PCNX2: variants seen among roughly 807,000 people sequenced by gnomAD.
The protein encoded by PCNX2 is pecanex 2, also known as pecanex-like protein 2.
In PCNX2, 168 loss-of-function variants were observed where a neutral mutation model predicts 223.8. The ratio of observed to expected loss-of-function variants is 0.75; its 90% CI spans 0.66 to 0.85. PCNX2 has a LOEUF of 0.85. PCNX2 is among the 40% of genes least tolerant of loss of function. PCNX2 has a pLI of 0.00. For missense variants in PCNX2, 2,507 were observed against 2,675.5 expected (o/e 0.94, Z 1.39); for synonymous variants, 1,006 against 1,052.6 (o/e 0.96, Z 0.86).
rs562606046 is a variant in PCNX2 at position 233,138,698 on chromosome 1, A to G, written c.3659+1016T>C. Among the ~76,000 whole-genome samples, 433 of 152,336 alleles carry G rather than the reference A, an allele frequency of 2.8e-3. 1 individual carries two copies. The highest frequency in any genetic ancestry group is 5.9e-3 in the Admixed American group (90 of 15,300). ...AACTAATTCTCATCTCTGGATTTGA[A>G]GTCTAGAATTTTAAGTATCAAAGAA... On this transcript the variant is annotated intron_variant, in intron 20 of 33. Coordinates refer to ENST00000258229, the MANE Select transcript of PCNX2 (RefSeq NM_014801.4).
At chr1:233,150,557 A>G (rs2102799851) in intron 19 of PCNX2, among the ~76,000 whole-genome samples, 1 of 152,328 alleles carries the variant, frequency 6.6e-6, no homozygotes, top group Middle Eastern at 3.4e-3. Flanking sequence ...TCATGCTTAG[A>G]AAATTCTTTT....
chr1:233,092,118 G>GA (rs1340685103), intron 22 of PCNX2, among the ~76,000 whole-genome samples: 1 of 152,214 alleles, frequency 6.6e-6, no homozygotes, highest in Non-Finnish European at 1.5e-5. Context: ...TGAAGGTATT[G>GA]AAAAAAATAT....
intron 24 of PCNX2, among the ~76,000 whole-genome samples, chr1:233,056,541 A>C (rs1010768561): frequency 2.6e-5 from 4 of 152,234 alleles, no homozygotes; most frequent in African/African-American, 4.8e-5. Flanking sequence ...AAAGTTCAAC[A>C]AAAAATAAGC....
chr1:233,144,439 G>C (rs1677307984), intron 19 of PCNX2, among the ~76,000 whole-genome samples: 2 of 152,134 alleles, frequency 1.3e-5, no homozygotes, highest in African/African-American at 2.4e-5. Flanking sequence ...CATATAGCAA[G>C]CTTCAGCAGA....
intron 28 of PCNX2, among the ~76,000 whole-genome samples, chr1:233,013,802 G>T (rs1163676017): frequency 6.6e-6 from 1 of 152,052 alleles, no homozygotes; most frequent in Non-Finnish European, 1.5e-5. Context: ...TGGGATGTGT[G>T]GTCCCACCCA....
At chr1:233,320,551 G>C in the PCNX2 span, among the ~76,000 whole-genome samples, 1 of 151,998 alleles carries the variant, frequency 6.6e-6, no homozygotes, top group Non-Finnish European at 1.5e-5. Context: ...CTTTTCTAAG[G>C]CAGATGTATC....
At chr1:233,301,829 C>T in the PCNX2 span, among the ~76,000 whole-genome samples, 1 of 140,584 alleles carries the variant, frequency 7.1e-6, no homozygotes, top group African/African-American at 2.6e-5. Context: ...TCTTGCTCTG[C>T]CGCCCAAGCC....
chr1:233,050,763 T>C (rs1451505909), intron 25 of PCNX2, among the ~76,000 whole-genome samples: 2 of 152,024 alleles, frequency 1.3e-5, no homozygotes, highest in Non-Finnish European at 2.9e-5. Flanking sequence ...ACATGGGCCT[T>C]AGGAAAGAAT....
Position 232,999,361 on chromosome 1 carries a change from G to T in PCNX2, c.5347C>A (p.Arg1783=). ...TGCTGCTGCCCGGCCCAAAGTCCTC[G>T]GACGCATTCTTTGTTAACCTGCAGG... ...KVIKVNKECV[R]GLWAGQQQEL... Residue 1783 remains arginine, a synonymous_variant, in exon 31 of 34, where the codon CGA becomes AGA. Coordinates refer to ENST00000258229, the MANE Select transcript of PCNX2 (RefSeq NM_014801.4). The T allele has an allele frequency of 3.8e-6, 6 of 1,595,906 alleles. No individual in the cohort carries two copies. The South Asian group carries it at 6.8e-5, about 18-fold the overall frequency.
At chr1:233,282,639 T>A (rs1035496361) in intron 1 of PCNX2, among the ~76,000 whole-genome samples, 2 of 152,278 alleles carry the variant, frequency 1.3e-5, no homozygotes, top group African/African-American at 2.4e-5. Flanking sequence ...TCAAAATCTA[T>A]CCATGATTCT....
intron 8 of PCNX2, among the ~76,000 whole-genome samples, chr1:233,246,039 T>G (rs188583958): frequency 6.6e-6 from 1 of 152,312 alleles, no homozygotes; most frequent in East Asian, 1.9e-4. Flanking sequence ...TCCTATCACC[T>G]GGGACTTATG....
intron 17 of PCNX2, among the ~76,000 whole-genome samples, chr1:233,164,429 C>T (rs781004233): frequency 1.6e-4 from 25 of 152,000 alleles, no homozygotes; most frequent in Non-Finnish European, 2.5e-4. Flanking sequence ...CCAGCAATTC[C>T]ACTACTGTGT....
At chr1:233,031,868 G>A in intron 25 of PCNX2, 1 of 981,880 alleles carries the variant, frequency 1.0e-6, no homozygotes. Flanking sequence ...TGGTGAAGAT[G>A]TATAGAAATG....
chr1:233,205,192 T>C lies in PCNX2; in HGVS notation c.2863+3326A>G, dbSNP rs1383098384. On this transcript the variant is annotated intron_variant, in intron 13 of 33. Coordinates refer to ENST00000258229, the MANE Select transcript of PCNX2 (RefSeq NM_014801.4). ...AAACCAGGAATGAGGGAGATACCCA[T>C]GTACAGAAAAGCAATTTGTAAATGG... Among the ~76,000 whole-genome samples the C allele has an allele frequency of 2.6e-5, 4 of 152,146 alleles. 1 individual carries two copies. The highest frequency in any genetic ancestry group is 1.3e-4 in the Admixed American group (2 of 15,262).
chr1:233,288,507 C>T (rs1010219729), intron 1 of PCNX2, among the ~76,000 whole-genome samples: 5 of 151,946 alleles, frequency 3.3e-5, no homozygotes, highest in East Asian at 1.9e-4. Context: ...TCCTGCCCAC[C>T]GACATGCATG....
At chr1:233,322,035 C>A in the PCNX2 span, among the ~76,000 whole-genome samples, 1 of 151,990 alleles carries the variant, frequency 6.6e-6, no homozygotes, top group Non-Finnish European at 1.5e-5. Context: ...TTAAAGATTC[C>A]CAAACAGAAG....
At chr1:233,158,552 G>T (rs1678267944) in intron 19 of PCNX2, among the ~76,000 whole-genome samples, 1 of 152,124 alleles carries the variant, frequency 6.6e-6, no homozygotes, top group South Asian at 2.1e-4. Flanking sequence ...AAAGGTAAAG[G>T]TATAGAAGTA....
intron 1 of PCNX2, among the ~76,000 whole-genome samples, chr1:233,277,546 TCG>T (rs1660978543): frequency 7.0e-6 from 1 of 142,488 alleles, no homozygotes; most frequent in Non-Finnish European, 1.6e-5. Flanking sequence ...CAGATTAACA[TCG>T]GTAAAGTAGT....
intron 1 of PCNX2, among the ~76,000 whole-genome samples, chr1:233,264,726 A>T (rs61823939): frequency 6.6e-6 from 1 of 151,994 alleles, no homozygotes; most frequent in Admixed American, 6.6e-5. Flanking sequence ...GATAAGGTTT[A>T]TATTTACAAA....
Sources: gnomAD v4.1 joint callset for allele counts (sites outside exome capture counted in the v4.1 genomes callset) on GRCh38, gnomAD v4.1.1 for gene constraint, MANE v1.5 for transcripts, NCBI Gene and HGNC (gene_info 2026-07-23, HGNC 2026-07-21) for gene names.